ITGA8: variants seen among roughly 807,000 people sequenced by gnomAD.
The protein encoded by ITGA8 is integrin subunit alpha 8.
ITGA8 carries 91 observed loss-of-function variants against 142.3 expected under a neutral mutation model. The ratio of observed to expected loss-of-function variants is 0.64; its 90% CI spans 0.54 to 0.76. ITGA8 has a LOEUF of 0.76. Among genes scored for constraint, ITGA8 ranks in the 30% least tolerant of loss-of-function variants. ITGA8 has a pLI of 0.00. For missense variants in ITGA8, 1,406 were observed against 1,327.7 expected (o/e 1.06, Z -0.92); for synonymous variants, 505 against 485.2 (o/e 1.04, Z -0.54).
Position 15,605,705 on chromosome 10 carries a change from T to C in ITGA8, c.1970+19A>G. On this transcript the variant is annotated intron_variant, in intron 19 of 29. Coordinates refer to ENST00000378076, the MANE Select transcript of ITGA8 (RefSeq NM_003638.3). ...AATTCCATTAGATAGAAAGTACACA[T>C]TTAGTTATTTAAACTTACGGTCTAG... The C allele has an allele frequency of 1.3e-6, 2 of 1,591,892 alleles. No individual in the cohort carries two copies. The highest frequency in any genetic ancestry group is 8.6e-7 in the Non-Finnish European group (1 of 1,160,014).
chr10:15,521,014 T>C (rs904501264), intron 28 of ITGA8, among the ~76,000 whole-genome samples: 1 of 152,124 alleles, frequency 6.6e-6, no homozygotes, highest in Non-Finnish European at 1.5e-5. Flanking sequence ...TCTTCTTTTG[T>C]GTATTTGTTT....
At chr10:15,694,685 A>ATATATATATG (rs1835017327) in intron 2 of ITGA8, among the ~76,000 whole-genome samples, 1 of 132,450 alleles carries the variant, frequency 7.6e-6, no homozygotes, top group African/African-American at 2.7e-5. Flanking sequence ...CGACATATAT[A>ATATATATATG]TATATATATA....
At chr10:15,593,155 T>A (rs1832954367) in intron 21 of ITGA8, among the ~76,000 whole-genome samples, 1 of 152,224 alleles carries the variant, frequency 6.6e-6, no homozygotes, top group African/African-American at 2.4e-5. Context: ...TATGTTCTAG[T>A]TGAGGTTACA....
chr10:15,673,461 GT>G (rs1467925156), intron 6 of ITGA8, among the ~76,000 whole-genome samples: 1 of 152,172 alleles, frequency 6.6e-6, no homozygotes, highest in Non-Finnish European at 1.5e-5. Flanking sequence ...CTTCTTCTAG[GT>G]GGAGAAACTG....
At chr10:15,685,620 T>C (rs1409119225) in intron 3 of ITGA8, among the ~76,000 whole-genome samples, 3 of 152,244 alleles carry the variant, frequency 2.0e-5, no homozygotes, top group Non-Finnish European at 4.4e-5. Flanking sequence ...AGAAACTGAT[T>C]TGATGCCTCA....
intron 27 of ITGA8, among the ~76,000 whole-genome samples, chr10:15,533,160 T>C (rs17137311): frequency 0.2 from 30,143 of 152,182 alleles, 4,032 homozygotes; most frequent in African/African-American, 0.38. Flanking sequence ...AAAGTTCTTT[T>C]TCCCCTGTGG....
chr10:15,641,254 T>C (rs1172338746), intron 13 of ITGA8, among the ~76,000 whole-genome samples: 1 of 152,154 alleles, frequency 6.6e-6, no homozygotes, highest in Admixed American at 6.5e-5. Context: ...CTTACCTAAA[T>C]AAGACTAAAT....
intron 8 of ITGA8, among the ~76,000 whole-genome samples, chr10:15,663,955 T>C (rs1275813293): frequency 6.6e-6 from 1 of 152,208 alleles, no homozygotes; most frequent in African/African-American, 2.4e-5. Flanking sequence ...TAGTGATTTT[T>C]AGATTTGACC....
intron 2 of ITGA8, among the ~76,000 whole-genome samples, chr10:15,702,168 T>C (rs1355027898): frequency 6.6e-6 from 1 of 152,220 alleles, no homozygotes; most frequent in Non-Finnish European, 1.5e-5. Context: ...TAAATGAGTA[T>C]TTTATGATCT....
At chr10:15,655,329 A>T in intron 11 of ITGA8, 25 bp downstream of exon 11, 1 of 1,426,240 alleles carries the variant, frequency 7.0e-7, no homozygotes, top group Non-Finnish European at 9.9e-7. Flanking sequence ...AATATATTGT[A>T]TATGAGAGAG....
Position 15,613,745 on chromosome 10 carries a change from C to T in ITGA8, c.1468G>A (p.Asp490Asn), listed in dbSNP as rs770012574. Reference protein sequence around the residue: ...VYRARPVVTVDAQLLLHPMII... With the variant: ...VYRARPVVTVNAQLLLHPMII... ...ATTGGGTGCAGCAGAAGCTGGGCAT[C>T]TACAGTCACAACCGGTCTTGCTCTG... The change falls in exon 15 of 30, where the codon GAT becomes AAT. Residue 490 changes from aspartate to asparagine, a missense_variant. By Grantham distance (23) the Asp-to-Asn change is conservative (BLOSUM62 1). Transcript: ENST00000378076. The T allele has an allele frequency of 1.2e-5, 19 of 1,613,916 alleles. No homozygotes were observed. The highest frequency in any genetic ancestry group is 1.4e-5 in the Non-Finnish European group (16 of 1,179,916).
At chr10:15,595,436 A>T (rs1272884885) in intron 21 of ITGA8, among the ~76,000 whole-genome samples, 1 of 152,254 alleles carries the variant, frequency 6.6e-6, no homozygotes, top group East Asian at 1.9e-4. Flanking sequence ...ATGAGATAAG[A>T]AAGCTATTAG....
At chr10:15,589,274 G>T (rs1248459674) in intron 22 of ITGA8, among the ~76,000 whole-genome samples, 2 of 151,854 alleles carry the variant, frequency 1.3e-5, no homozygotes, top group African/African-American at 4.8e-5. Context: ...TGCTTTCTGT[G>T]GTCTTTGGAA....
intron 2 of ITGA8, among the ~76,000 whole-genome samples, chr10:15,711,168 AT>A (rs1835356395): frequency 6.6e-6 from 1 of 152,230 alleles, no homozygotes; most frequent in Non-Finnish European, 1.5e-5. Flanking sequence ...TTGCATAGAT[AT>A]TCTTATGCAA....
At chr10:15,607,654 A>G in intron 17 of ITGA8, 23 bp downstream of exon 17, 1 of 1,611,248 alleles carries the variant, frequency 6.2e-7, no homozygotes, top group East Asian at 2.2e-5. Context: ...GAGAGGCCAG[A>G]GAAGTCTTTC....
intron 27 of ITGA8, among the ~76,000 whole-genome samples, chr10:15,542,419 T>C (rs1210799003): frequency 6.6e-6 from 1 of 152,210 alleles, no homozygotes; most frequent in Non-Finnish European, 1.5e-5. Flanking sequence ...TAGCCACACA[T>C]GACTATTACT....
chr10:15,703,747 A>G (rs1835207952), intron 2 of ITGA8, among the ~76,000 whole-genome samples: 1 of 152,164 alleles, frequency 6.6e-6, no homozygotes, highest in African/African-American at 2.4e-5. Context: ...CATCCCAGAG[A>G]CAGACATGCA....
intron 2 of ITGA8, among the ~76,000 whole-genome samples, chr10:15,717,689 A>G (rs929940580): frequency 3.3e-5 from 5 of 152,254 alleles, no homozygotes; most frequent in Non-Finnish European, 7.3e-5. Flanking sequence ...TAATTTGGTC[A>G]TAATTCAAGG....
At chr10:15,541,678 C>A (rs1405498356) in intron 27 of ITGA8, among the ~76,000 whole-genome samples, 1 of 152,174 alleles carries the variant, frequency 6.6e-6, no homozygotes, top group African/African-American at 2.4e-5. Flanking sequence ...GAAGAAGATT[C>A]AAAGACAAGA....
Sources: allele counts gnomAD v4.1 joint callset (sites outside exome capture counted in the v4.1 genomes callset), GRCh38; gene constraint gnomAD v4.1.1; transcripts MANE v1.5; gene names NCBI Gene and HGNC (gene_info 2026-07-23, HGNC 2026-07-21).